The following UNKL variants were observed in gnomAD, a reference collection of about 807,000 sequenced individuals.
UNKL encodes unk like zinc finger.
In UNKL, 60 loss-of-function variants were observed where a neutral mutation model predicts 78.0. The observed-to-expected ratio is 0.77, with a 90% CI of 0.63 to 0.95. UNKL has a LOEUF of 0.95. Among genes scored for constraint, UNKL ranks in the 40% least tolerant of loss-of-function variants. The pLI is 0.00. For missense variants in UNKL, 1,159 were observed against 1,045.7 expected, an observed-to-expected ratio of 1.11 and a Z score of -1.49; for synonymous variants, 608 against 474.8, an observed-to-expected ratio of 1.28 and a Z score of -3.65.
intron 12 of UNKL, among the ~76,000 whole-genome samples, chr16:1,369,055 GTTTTTTTTTTTT>G (rs1218071522): frequency 5.6e-5 from 3 of 53,690 alleles, no homozygotes; most frequent in East Asian, 7.9e-4. Context: ...CAAAGTATTA[GTTTTTTTTTTTT>G]TTTTTTTTTT....
chr16:1,375,824 C>T (rs1019783372), intron 10 of UNKL, among the ~76,000 whole-genome samples: 6 of 152,322 alleles, frequency 3.9e-5, no homozygotes, highest in Admixed American at 1.3e-4. Flanking sequence ...ATTCACAGGA[C>T]GGTGGCGTCC....
Position 1,366,075 on chromosome 16 carries a change from G to T in UNKL, c.*165C>A. Reference sequence around the variant, plus strand: ...AACGTGTGACAGGAAAGGCTGTCAGGCCAAGCGCAGGCGGGGCTCCCAGCC... The same window carrying T: ...AACGTGTGACAGGAAAGGCTGTCAGTCCAAGCGCAGGCGGGGCTCCCAGCC... On this transcript the variant is annotated 3_prime_UTR_variant, in exon 15 of 15. Coordinates refer to ENST00000389221, the MANE Select transcript of UNKL (RefSeq NM_001372107.1). The T allele has an allele frequency of 1.3e-6, 1 of 772,928 alleles. No homozygotes were observed. Among genetic ancestry groups the T allele is most frequent in the Non-Finnish European group, 1.9e-6 (1 of 529,500 alleles). 47.9% of individuals were successfully genotyped at this position (772,928 alleles called of 1,614,324 possible).
At position 1,414,036 on chromosome 16, in the gene UNKL, T is replaced by A; in HGVS notation, c.97A>T (p.Thr33Ser). ...TGTGAAAACAGGGGGCACTGCTCCG[T>A]CCTGAACTCCTTCAGGTACCTACAA... The part of the protein sequence containing the change: ...THYRYLKEFR[T>S]EQCPLFSQHK... Residue 33 changes from threonine (T) to serine (S), a missense_variant, in exon 2 of 15, where the codon ACG (threonine) becomes TCG (serine). By Grantham distance (58) the Thr-to-Ser change is moderately conservative. Coordinates refer to ENST00000389221, the MANE Select transcript of UNKL (RefSeq NM_001372107.1). The A allele has an allele frequency of 6.5e-7, 1 of 1,549,738 alleles. No individual in the cohort carries two copies. The highest frequency in any genetic ancestry group is 8.7e-7 in the Non-Finnish European group (1 of 1,146,444).
chr16:1,404,685 C>T (rs1488493881), intron 2 of UNKL, among the ~76,000 whole-genome samples: 2 of 152,204 alleles, frequency 1.3e-5, no homozygotes, highest in African/African-American at 2.4e-5. Context: ...CAGCGTCATT[C>T]GCAAGAGCCA....
chr16:1,368,310 TA>T, intron 12 of UNKL: 1 of 159,908 alleles, frequency 6.3e-6, no homozygotes, highest in South Asian at 1.8e-4. Flanking sequence ...AAATGTTACT[TA>T]AAAAAAACAG....
rs762736949 is a variant in UNKL, at chr16:1,399,527, C to G, written c.599-18G>C. ...GTTGGCATCTGAAAAATGGGCCACA[C>G]GGTGCCTGAGCAGCGCGACTGGAAG... On this transcript the variant is annotated intron_variant, in intron 4 of 14. Transcript: ENST00000389221. This position sits in a 1 kb window ranked among gnomAD's most constrained non-coding sequence, Gnocchi z 5.8. The G allele has an allele frequency of 6.3e-7, 1 of 1,584,376 alleles. No homozygotes were observed. The highest frequency in any genetic ancestry group is 1.3e-5 in the African/African-American group (1 of 74,188).
chr16:1,405,986 G>A (rs1348814728), intron 2 of UNKL: 2 of 456,634 alleles, frequency 4.4e-6, no homozygotes, highest in African/African-American at 2.0e-5. Flanking sequence ...CACCTAGGAG[G>A]CCCGTGGCCC....
rs1396223637 is a variant in UNKL, at chr16:1,414,043, C to G, written c.90G>C (p.Glu30Asp). The G allele has an allele frequency of 6.5e-7, 1 of 1,549,264 alleles. No individual in the cohort carries two copies. The highest frequency in any genetic ancestry group is 2.0e-5 in the Admixed American group (1 of 50,968). Reference protein sequence around the residue: ...EKPTHYRYLKEFRTEQCPLFS... With the variant: ...EKPTHYRYLKDFRTEQCPLFS... ...ACAGGGGGCACTGCTCCGTCCTGAA[C>G]TCCTTCAGGTACCTACAAACACAGA... The change falls in exon 2 of 15, where the codon GAG becomes GAC. Residue 30 changes from glutamate to aspartate, a missense_variant. Physicochemically the swap from Glu to Asp is conservative, Grantham distance 45. Transcript: ENST00000389221.
At chr16:1,402,925 G>C (rs1320478831) in intron 3 of UNKL, among the ~76,000 whole-genome samples, 1 of 152,084 alleles carries the variant, frequency 6.6e-6, no homozygotes. Context: ...CCAGGAGGCA[G>C]GGCTTGCAGT....
At chr16:1,395,898 A>AGCAGCGCCTGGTCCTTC (rs1216899936) in intron 6 of UNKL, 10 of 400,030 alleles carry the variant, frequency 2.5e-5, no homozygotes, top group African/African-American at 2.1e-4. Context: ...AACGACGGGA[A>AGCAGCGCCTGGTCCTTC]GCAGCGCCTG....
intron 10 of UNKL, among the ~76,000 whole-genome samples, chr16:1,376,157 C>A (rs1321154593): frequency 1.6e-4 from 23 of 139,964 alleles, no homozygotes; most frequent in African/African-American, 6.2e-4. Context: ...TGGGGCGCTC[C>A]TCCTCCCTCA....
chr16:1,400,223 T>TG (rs1218448499), intron 4 of UNKL, among the ~76,000 whole-genome samples: 1 of 151,584 alleles, frequency 6.6e-6, no homozygotes, highest in Non-Finnish European at 1.5e-5. Flanking sequence ...GTTCAAGACT[T>TG]GCCTGGCCAA....
chr16:1,376,251 G>GCA (rs2036214379), intron 10 of UNKL, among the ~76,000 whole-genome samples: 1 of 136,294 alleles, frequency 7.3e-6, no homozygotes. Flanking sequence ...GGGCTGGGGC[G>GCA]CTCCTCCTCC....
intron 5 of UNKL, chr16:1,398,924 C>T (rs374733435): frequency 9.5e-5 from 148 of 1,555,454 alleles, no homozygotes; most frequent in Admixed American, 1.5e-4. Context: ...CCTAAGGACC[C>T]GGCGTCCCAG....
chr16:1,409,284 T>A (rs1201045468), intron 2 of UNKL, among the ~76,000 whole-genome samples: 3 of 152,180 alleles, frequency 2.0e-5, no homozygotes, highest in African/African-American at 7.2e-5. Flanking sequence ...GTTCCTTTAT[T>A]TACAAATTCC....
At chr16:1,388,261 C>T (rs1335390205) in intron 9 of UNKL, among the ~76,000 whole-genome samples, 1 of 152,200 alleles carries the variant, frequency 6.6e-6, no homozygotes, top group African/African-American at 2.4e-5. Flanking sequence ...GCAGGTGCCA[C>T]GTTTGCCCCC....
intron 2 of UNKL, among the ~76,000 whole-genome samples, chr16:1,405,638 G>A (rs1286017665): frequency 6.6e-6 from 1 of 151,976 alleles, no homozygotes; most frequent in Non-Finnish European, 1.5e-5. Flanking sequence ...GGACACCTAG[G>A]AGGTGAGAGG....
In UNKL at chr16:1,387,390, C is replaced by G. The variant is rs2036858720; in HGVS notation, c.1087-2005G>C. 6.6e-6 allele frequency among the ~76,000 whole-genome samples: 1 copy of G among 152,192 alleles called. No individual in the cohort carries two copies. Among genetic ancestry groups the G allele is most frequent in the South Asian group, 2.1e-4 (1 of 4,830 alleles). ...ATCTCAGTGGCAACCCGCCCCCTAT[C>G]CCTTGCACTTCCTGTCCCTGCTTCA... is the stretch of plus-strand genomic sequence containing the variant. On this transcript the variant is annotated intron_variant, in intron 9 of 14. Coordinates refer to ENST00000389221, the MANE Select transcript of UNKL (RefSeq NM_001372107.1). The surrounding 1 kb of genome is among the most constrained non-coding windows in gnomAD (Gnocchi z 4.1).
intron 4 of UNKL, 131 bp downstream of exon 4, chr16:1,401,437 A>G: frequency 8.1e-7 from 1 of 1,234,130 alleles, no homozygotes; most frequent in Non-Finnish European, 1.0e-6. Flanking sequence ...ATTGGACTCC[A>G]CGAGCCTCGG....
Sources: allele counts gnomAD v4.1 joint callset (sites outside exome capture counted in the v4.1 genomes callset), GRCh38; gene constraint gnomAD v4.1.1; non-coding constraint Gnocchi (gnomAD v3.1); transcripts MANE v1.5; gene names NCBI Gene and HGNC (gene_info 2026-07-23, HGNC 2026-07-21).